The following EPHA6 variants were observed in gnomAD, a reference collection of about 807,000 sequenced individuals.
The protein encoded by EPHA6 is EPH receptor A6, also known as ephrin type-A receptor 6.
A neutral mutation model predicts 112.0 loss-of-function variants in EPHA6; 50 were observed. The observed-to-expected ratio is 0.45, with a 90% CI of 0.36 to 0.56. The LOEUF (loss-of-function observed/expected upper bound fraction) is 0.56, where lower values mean the gene tolerates loss of function less well. EPHA6 is among the 20% of genes least tolerant of loss of function. The pLI is 0.00. For missense variants in EPHA6, 1,280 were observed against 1,417.4 expected, an observed-to-expected ratio of 0.90 and a Z score of 1.56; for synonymous variants, 529 against 490.7, an observed-to-expected ratio of 1.08 and a Z score of -1.03.
intron 2 of EPHA6, among the ~76,000 whole-genome samples, chr3:96,914,963 G>A (rs560893707): frequency 6.6e-6 from 1 of 150,886 alleles, no homozygotes; most frequent in African/African-American, 2.5e-5. Flanking sequence ...TTTTATGCAG[G>A]TAAGTTAATT....
intron 2 of EPHA6, among the ~76,000 whole-genome samples, chr3:96,906,207 A>C (rs2038926111): frequency 6.6e-6 from 1 of 152,054 alleles, no homozygotes; most frequent in African/African-American, 2.4e-5. Flanking sequence ...AGTAGGAGAC[A>C]AGGTAACTTC....
chr3:97,153,172 T>TGTTTAAA (rs2076208142), intron 3 of EPHA6, among the ~76,000 whole-genome samples: 1 of 152,122 alleles, frequency 6.6e-6, no homozygotes, highest in African/African-American at 2.4e-5. Flanking sequence ...TAAATATCTC[T>TGTTTAAA]TATGTACACT....
chr3:97,210,711 G>A (rs780021061), intron 3 of EPHA6, among the ~76,000 whole-genome samples: 8 of 152,140 alleles, frequency 5.3e-5, no homozygotes, highest in Non-Finnish European at 1.0e-4. Context: ...CAGTTACTCA[G>A]TGCTACATAA....
intron 2 of EPHA6, among the ~76,000 whole-genome samples, chr3:96,951,810 A>G (rs888139861): frequency 1.3e-5 from 2 of 152,184 alleles, no homozygotes; most frequent in Non-Finnish European, 2.9e-5. Flanking sequence ...AATACACTAT[A>G]GAGTATGTTA....
Position 97,748,601 on chromosome 3 carries a change from T to A in EPHA6, c.3293T>A (p.Ile1098Asn). 2.5e-6 allele frequency: 4 copies of A among 1,599,764 alleles called. No individual in the cohort carries two copies. Among genetic ancestry groups the A allele is most frequent in the Non-Finnish European group, 3.4e-6 (4 of 1,167,526 alleles). ...SRMSIDDIRR[I>N]GVILIGHQRR... ...CTTTCTTTCAGTGACATTAGAAGAATTGGAGTCATACTTATTGGACACCAG... is the reference window on the plus strand; with the variant it reads ...CTTTCTTTCAGTGACATTAGAAGAAATGGAGTCATACTTATTGGACACCAG... The change falls in exon 18 of 18, where the codon ATT becomes AAT. Residue 1098 changes from isoleucine to asparagine, a missense_variant. By Grantham distance (149) the Ile-to-Asn change is moderately radical. Coordinates refer to ENST00000389672, the MANE Select transcript of EPHA6 (RefSeq NM_001080448.3).
chr3:97,254,346 G>A (rs1052334187), intron 5 of EPHA6, among the ~76,000 whole-genome samples: 133 of 152,082 alleles, frequency 8.7e-4, no homozygotes, highest in African/African-American at 2.8e-3. Context: ...ATGCCACCAC[G>A]CCAGGGTAAT....
chr3:96,950,773 A>G (rs929362953), intron 2 of EPHA6, among the ~76,000 whole-genome samples: 2 of 152,110 alleles, frequency 1.3e-5, no homozygotes, highest in Non-Finnish European at 2.9e-5. Flanking sequence ...ATATTGCTAT[A>G]TACACATCAT....
chr3:97,558,515 C>G (rs953633224), intron 11 of EPHA6, among the ~76,000 whole-genome samples: 5 of 151,994 alleles, frequency 3.3e-5, no homozygotes, highest in African/African-American at 1.2e-4. Context: ...AGTGTTTTGT[C>G]TTTCCCCCTT....
intron 5 of EPHA6, among the ~76,000 whole-genome samples, chr3:97,373,250 A>C (rs1184791161): frequency 1.3e-5 from 2 of 152,140 alleles, no homozygotes; most frequent in Non-Finnish European, 2.9e-5. Context: ...AGGTACAAAC[A>C]TTTTGGATGA....
At chr3:97,682,235 T>TGATCATCA (rs2031914579) in intron 14 of EPHA6, among the ~76,000 whole-genome samples, 1 of 152,108 alleles carries the variant, frequency 6.6e-6, no homozygotes, top group Non-Finnish European at 1.5e-5. Context: ...TGTAAAACTC[T>TGATCATCA]GATCATCAGT....
At chr3:96,851,916 A>T (rs1484877226) in intron 1 of EPHA6, among the ~76,000 whole-genome samples, 1 of 152,260 alleles carries the variant, frequency 6.6e-6, no homozygotes, top group East Asian at 1.9e-4. Flanking sequence ...AGTTGCTCAG[A>T]GTAGTTGTTG....
chr3:97,386,358 C>T (rs1208389342), intron 5 of EPHA6, among the ~76,000 whole-genome samples: 1 of 152,100 alleles, frequency 6.6e-6, no homozygotes, highest in African/African-American at 2.4e-5. Context: ...AATAAGGGTA[C>T]AGACATCGGG....
intron 3 of EPHA6, among the ~76,000 whole-genome samples, chr3:97,133,316 T>C (rs575803931): frequency 6.6e-6 from 1 of 152,056 alleles, no homozygotes. Flanking sequence ...CAACAAGGTT[T>C]TTTAAGATAT....
chr3:97,375,900 A>G (rs1355276820), intron 5 of EPHA6, among the ~76,000 whole-genome samples: 1 of 152,160 alleles, frequency 6.6e-6, no homozygotes, highest in Non-Finnish European at 1.5e-5. Context: ...GAAAGAAAGC[A>G]TGTATGGGGA....
At chr3:97,562,952 A>T (rs1316096975) in intron 11 of EPHA6, among the ~76,000 whole-genome samples, 1 of 152,186 alleles carries the variant, frequency 6.6e-6, no homozygotes, top group African/African-American at 2.4e-5. Flanking sequence ...ATTAAACCAA[A>T]TACAAAATAT....
chr3:96,926,224 T>C (rs995783979), intron 2 of EPHA6, among the ~76,000 whole-genome samples: 1 of 152,096 alleles, frequency 6.6e-6, no homozygotes, highest in Non-Finnish European at 1.5e-5. Context: ...CAAACACTTA[T>C]AAAACCATCA....
intron 2 of EPHA6, among the ~76,000 whole-genome samples, chr3:96,948,458 T>C (rs1255787839): frequency 6.6e-6 from 1 of 152,212 alleles, no homozygotes; most frequent in Non-Finnish European, 1.5e-5. Flanking sequence ...TTATTGATGT[T>C]ACTTTTTATT....
chr3:97,030,428 A>T (rs2044785263), intron 3 of EPHA6, among the ~76,000 whole-genome samples: 1 of 151,970 alleles, frequency 6.6e-6, no homozygotes, highest in Non-Finnish European at 1.5e-5. Flanking sequence ...AATTCCTTTG[A>T]TGTCTTGCCG....
chr3:97,202,308 T>C (rs2077596473), intron 3 of EPHA6, among the ~76,000 whole-genome samples: 1 of 152,090 alleles, frequency 6.6e-6, no homozygotes, highest in South Asian at 2.1e-4. Flanking sequence ...GGTAGGGGCA[T>C]CCTAAGGGTA....
Sources: gnomAD v4.1 joint callset for allele counts (sites outside exome capture counted in the v4.1 genomes callset) on GRCh38, gnomAD v4.1.1 for gene constraint, MANE v1.5 for transcripts, NCBI Gene and HGNC (gene_info 2026-07-23, HGNC 2026-07-21) for gene names.